NRF1: variants seen among roughly 807,000 people sequenced by gnomAD.
NRF1 encodes alpha palindromic-binding protein.
A neutral mutation model predicts 58.5 loss-of-function variants in NRF1; 5 were observed. The ratio of observed to expected loss-of-function variants is 0.09; its 90% confidence interval spans 0.04 to 0.18. The LOEUF is 0.18. Ranked by LOEUF, NRF1 falls within the 10% of genes least tolerant of loss-of-function variation. The pLI is 1.00. For missense variants in NRF1, 288 were observed against 657.7 expected (o/e 0.44, Z 6.15); for synonymous variants, 224 against 246.7 (o/e 0.91, Z 0.86).
intron 1 of NRF1, among the ~76,000 whole-genome samples, chr7:129,642,776 T>TTTTTTTTTTTTTTG (rs1464724859): frequency 7.3e-6 from 1 of 137,064 alleles, no homozygotes; most frequent in East Asian, 2.4e-4. Flanking sequence ...TTTTTTTTTT[T>TTTTTTTTTTTTTTG]AAATGAGATA....
At chr7:129,728,533 A>T (rs1179964892) in intron 10 of NRF1, among the ~76,000 whole-genome samples, 1 of 151,470 alleles carries the variant, frequency 6.6e-6, no homozygotes, top group Admixed American at 6.6e-5. Context: ...ACATACTTTC[A>T]TCATGTAGGC....
chr7:129,752,270 TA>T (rs1804136484), intron 10 of NRF1, among the ~76,000 whole-genome samples: 1 of 148,934 alleles, frequency 6.7e-6, no homozygotes. Context: ...CACCCCAGTG[TA>T]AAAGGAAGGA....
intron 1 of NRF1, among the ~76,000 whole-genome samples, chr7:129,635,410 G>A (rs1801146986): frequency 6.6e-6 from 1 of 152,094 alleles, no homozygotes; most frequent in South Asian, 2.1e-4. Flanking sequence ...CCACCTTTGG[G>A]AGTGTTACAG....
chr7:129,735,155 C>T, intron 10 of NRF1: 1 of 985,434 alleles, frequency 1.0e-6, no homozygotes, highest in Non-Finnish European at 1.2e-6. Context: ...TCAGAAACCA[C>T]CTATGCTGCC....
intron 10 of NRF1, among the ~76,000 whole-genome samples, chr7:129,749,995 T>A (rs1319718338): frequency 2.0e-5 from 3 of 152,128 alleles, no homozygotes; most frequent in Non-Finnish European, 4.4e-5. Context: ...TGGCTCTGAC[T>A]CGTGAAAGGG....
At chr7:129,655,094 ATCTC>A (rs1311277672) in intron 1 of NRF1, among the ~76,000 whole-genome samples, 10 of 152,136 alleles carry the variant, frequency 6.6e-5, no homozygotes, top group Admixed American at 2.0e-4. Flanking sequence ...AACATGGAAT[ATCTC>A]TCTCTATTTA....
chr7:129,677,539 A>T, intron 3 of NRF1, 93 bp from the exon 4 acceptor site: 3 of 1,163,530 alleles, frequency 2.6e-6, no homozygotes, highest in Non-Finnish European at 2.5e-6. Context: ...AGCATATCTG[A>T]TCAGAATAAA....
At chr7:129,683,288 A>AGAGTGT (rs1554408830) in intron 4 of NRF1, among the ~76,000 whole-genome samples, 1 of 140,390 alleles carries the variant, frequency 7.1e-6, no homozygotes, top group Non-Finnish European at 1.5e-5. Context: ...TCATGTGGAG[A>AGAGTGT]GTGTGTGTGT....
intron 1 of NRF1, chr7:129,633,335 A>T (rs538540933): frequency 3.3e-5 from 5 of 152,220 alleles, no homozygotes; most frequent in African/African-American, 1.2e-4. Context: ...TTCTGTGCTC[A>T]TTAAGCCAGA....
chr7:129,620,882 TA>T (rs1330527550), intron 1 of NRF1, among the ~76,000 whole-genome samples: 2 of 152,230 alleles, frequency 1.3e-5, no homozygotes, highest in Non-Finnish European at 2.9e-5. Flanking sequence ...GCAAGACATT[TA>T]TTTTCTCCTT....
rs569207095 is a variant in NRF1, at chr7:129,631,835, C to A, written c.-7+20011C>A. Among the ~76,000 whole-genome samples, 26 of 152,202 alleles carry A rather than the reference C, an allele frequency of 1.7e-4. 1 individual carries two copies. In the East Asian group the frequency reaches 5.0e-3, roughly 29 times the overall value. On this transcript the variant is annotated intron_variant, in intron 1 of 10. Transcript: ENST00000393232. The stretch of plus-strand genomic sequence containing the variant: ...AATGTATATATTTAAGTTTACTGGA[C>A]AGATTTAAATTTGTGTTCTTTGTGT...
intron 5 of NRF1, among the ~76,000 whole-genome samples, chr7:129,699,907 A>G (rs909159760): frequency 4.7e-4 from 71 of 151,664 alleles, no homozygotes; most frequent in African/African-American, 1.6e-3. Flanking sequence ...TGGGAGGCCA[A>G]GGCGGGCAGA....
At chr7:129,671,640 G>C (rs946474656) in intron 3 of NRF1, 97 bp downstream of exon 3, 8 of 667,008 alleles carry the variant, frequency 1.2e-5, no homozygotes, top group Admixed American at 1.1e-4. Flanking sequence ...AAGGATGCTT[G>C]GTTCGATTCC....
chr7:129,692,899 A>C (rs1396237466), intron 5 of NRF1, among the ~76,000 whole-genome samples: 2 of 152,202 alleles, frequency 1.3e-5, no homozygotes, highest in African/African-American at 4.8e-5. Context: ...CCTCTGAGAC[A>C]AGCCTTTCTT....
At chr7:129,700,416 G>C (rs1584653930) in intron 5 of NRF1, among the ~76,000 whole-genome samples, 2 of 152,104 alleles carry the variant, frequency 1.3e-5, no homozygotes, top group African/African-American at 4.8e-5. Flanking sequence ...GATGGATCTA[G>C]GCATCTGCAA....
In NRF1 at chr7:129,631,619, A is replaced by G. The variant is rs184112446; in HGVS notation, c.-7+19795A>G. ...ATTCAGTGTTTCCTTGGACTTCCTC[A>G]GCCTGGTTTTATCATAGCATATTAT... On this transcript the variant is annotated intron_variant, in intron 1 of 10. Transcript: ENST00000393232. Among the ~76,000 whole-genome samples the G allele has an allele frequency of 9.3e-4, 141 of 152,276 alleles. 1 individual carries two copies. Among genetic ancestry groups the G allele is most frequent in the East Asian group, 1.2e-3 (6 of 5,178 alleles).
intron 2 of NRF1, among the ~76,000 whole-genome samples, chr7:129,671,140 G>A (rs796437208): frequency 1.3e-5 from 2 of 152,094 alleles, no homozygotes; most frequent in South Asian, 4.1e-4. Context: ...GGGCATGCTG[G>A]CAAAACAAAG....
At position 129,709,023 on chromosome 7, in the gene NRF1, C is replaced by T; in HGVS notation, c.607-52C>T. On this transcript the variant is annotated intron_variant, in intron 5 of 10. Coordinates refer to ENST00000393232, the MANE Select transcript of NRF1 (RefSeq NM_005011.5). ...AGGTTAGAATTTAAGGAGTCATAAA[C>T]ACACCCCAGATGTCTTTCATGAGTA... 7 of 1,337,026 alleles carry T rather than the reference C, an allele frequency of 5.2e-6. No individual in the cohort carries two copies. In the South Asian group the frequency reaches 9.1e-5, roughly 17 times the overall value. 82.8% of individuals were successfully genotyped at this position (1,337,026 alleles called of 1,614,324 possible). A position where few individuals can be genotyped will look rare whatever the true frequency, so the allele number is the denominator to read the frequency against.
At chr7:129,699,803 C>T (rs575428544) in intron 5 of NRF1, among the ~76,000 whole-genome samples, 10 of 151,540 alleles carry the variant, frequency 6.6e-5, no homozygotes, top group Admixed American at 5.9e-4. Flanking sequence ...CAGGAGTTAT[C>T]GTTTTAATGG....
Sources: allele counts gnomAD v4.1 joint callset (sites outside exome capture counted in the v4.1 genomes callset), GRCh38; gene constraint gnomAD v4.1.1; transcripts MANE v1.5; gene names NCBI Gene and HGNC (gene_info 2026-07-23, HGNC 2026-07-21).